Variants in STXBP4 observed in about 807,000 individuals in gnomAD.
STXBP4 encodes syntaxin binding protein 4, also known as syntaxin-binding protein 4.
A neutral mutation model predicts 76.1 loss-of-function variants in STXBP4; 55 were observed. The ratio of observed to expected loss-of-function variants is 0.72; its 90% CI spans 0.58 to 0.91. The LOEUF (loss-of-function observed/expected upper bound fraction) is 0.91, where lower values mean the gene tolerates loss of function less well. Ranked by LOEUF, STXBP4 falls within the 40% of genes least tolerant of loss-of-function variation. The pLI, the probability that STXBP4 is intolerant of heterozygous loss-of-function variation, is 0.00. For missense variants in STXBP4, 618 were observed against 636.9 expected (o/e 0.97, Z 0.32); for synonymous variants, 201 against 220.2 (o/e 0.91, Z 0.77).
intron 8 of STXBP4, among the ~76,000 whole-genome samples, chr17:55,016,363 G>A (rs569112088): frequency 1.3e-5 from 2 of 152,124 alleles, no homozygotes; most frequent in Non-Finnish European, 2.9e-5. Context: ...GTGAGTCCTA[G>A]AGCTGGGCTG....
chr17:55,065,176 T>C (rs1161574519), intron 12 of STXBP4, among the ~76,000 whole-genome samples: 3 of 152,194 alleles, frequency 2.0e-5, no homozygotes, highest in African/African-American at 4.8e-5. Context: ...GTACCAACTA[T>C]TGCTGCTTTA....
At chr17:55,145,573 A>T (rs2080143146) in intron 17 of STXBP4, among the ~76,000 whole-genome samples, 1 of 152,238 alleles carries the variant, frequency 6.6e-6, no homozygotes, top group Admixed American at 6.5e-5. Flanking sequence ...GCCCATCCAC[A>T]TGTCCATCAC....
chr17:55,009,145 CAATT>C (rs2078059213), intron 8 of STXBP4, among the ~76,000 whole-genome samples: 1 of 152,086 alleles, frequency 6.6e-6, no homozygotes, highest in Non-Finnish European at 1.5e-5. Context: ...TAAAATTTTC[CAATT>C]AATTAGATAC....
intron 10 of STXBP4, among the ~76,000 whole-genome samples, chr17:55,041,402 G>A (rs748589069): frequency 1.3e-5 from 2 of 151,862 alleles, no homozygotes; most frequent in Non-Finnish European, 2.9e-5. Flanking sequence ...ATTTTTTGTA[G>A]AGACATGGTC....
At position 55,072,925 on chromosome 17, in the gene STXBP4, CAA is replaced by C. The variant is rs1369355162; in HGVS notation, c.1038_1039del (p.Arg347SerfsTer4). 4 of 1,609,726 alleles carry C rather than the reference CAA, an allele frequency of 2.5e-6. No homozygotes were observed. Among genetic ancestry groups the C allele is most frequent in the African/African-American group, 2.7e-5 (2 of 74,674 alleles). On this transcript the variant is annotated frameshift_variant, in exon 13 of 18. Coordinates refer to ENST00000376352, the MANE Select transcript of STXBP4 (RefSeq NM_178509.6). LOFTEE classifies it high-confidence loss of function. ...GAAGCCAAAGCTGTAGTTGAAGAAA[CAA>C]GAGCCCTGCGTAGTCGGATTCATCT...
In STXBP4 at chr17:55,079,920, G is replaced by C. The variant is rs996414403; in HGVS notation, c.1356-1130G>C. ...ACTCAAGTAATGTTTTACTTCTTAT[G>C]ATGAAGGAACCTGACATAACTTCTT... On this transcript the variant is annotated intron_variant, in intron 15 of 17. Coordinates refer to ENST00000376352, the MANE Select transcript of STXBP4 (RefSeq NM_178509.6). Among the ~76,000 whole-genome samples the C allele has an allele frequency of 2.0e-5, 3 of 152,044 alleles. No individual in the cohort carries two copies. In the South Asian group the frequency reaches 6.2e-4, roughly 32 times the overall value.
intron 16 of STXBP4, among the ~76,000 whole-genome samples, chr17:55,123,737 A>G (rs1211909519): frequency 6.6e-6 from 1 of 151,998 alleles, no homozygotes; most frequent in Non-Finnish European, 1.5e-5. Context: ...CGTCTCTACT[A>G]AAAATACAAA....
intron 12 of STXBP4, among the ~76,000 whole-genome samples, chr17:55,056,823 A>G (rs1361447558): frequency 6.6e-6 from 1 of 151,902 alleles, no homozygotes; most frequent in African/African-American, 2.4e-5. Flanking sequence ...CCTGGGCAGC[A>G]TGGAGAACCC....
At chr17:55,153,822 G>A (rs904686673) in intron 17 of STXBP4, among the ~76,000 whole-genome samples, 13 of 152,102 alleles carry the variant, frequency 8.5e-5, no homozygotes, top group South Asian at 2.1e-4. Context: ...TTTAGTATTC[G>A]TTAATCTGTA....
the STXBP4 span, among the ~76,000 whole-genome samples, chr17:55,212,240 C>CTTCA: frequency 5.3e-5 from 8 of 152,178 alleles, no homozygotes; most frequent in Non-Finnish European, 1.0e-4. Context: ...TCCTCCCTAG[C>CTTCA]TTCAGTTTTC....
At chr17:55,186,989 T>C in the STXBP4 span, among the ~76,000 whole-genome samples, 284 of 152,244 alleles carry the variant, frequency 1.9e-3, no homozygotes, top group Non-Finnish European at 3.2e-3. Flanking sequence ...AAAGAAACCA[T>C]GAAAGGTATT....
At chr17:55,129,564 AAAAG>A (rs200337304) in intron 16 of STXBP4, among the ~76,000 whole-genome samples, 56 of 152,080 alleles carry the variant, frequency 3.7e-4, no homozygotes, top group Admixed American at 9.8e-4. Context: ...TTTATTTCTC[AAAAG>A]AAAGAAAGAA....
At chr17:55,121,530 G>A (rs115982827) in intron 16 of STXBP4, among the ~76,000 whole-genome samples, 106 of 152,190 alleles carry the variant, frequency 7.0e-4, no homozygotes, top group African/African-American at 2.5e-3. Context: ...GAATCCCCAG[G>A]GTCTCTGACA....
Position 55,043,313 on chromosome 17 carries a change from A to G in STXBP4, c.933A>G (p.Val311=), listed in dbSNP as rs749797678. The G allele has an allele frequency of 6.6e-7, 1 of 1,512,270 alleles. No homozygotes were observed. Among genetic ancestry groups the G allele is most frequent in the South Asian group, 1.4e-5 (1 of 73,152 alleles). The allele number at this position is 1,512,270 out of a possible 1,614,324, so 93.7% of individuals were successfully genotyped here. ...AAAGAGATGATGCCTTGAAAGAAGT[A>G]AATACACTTAAGGTAACCTCTAATT... ...KCERDDALKE[V]NTLKEKLLES... is the part of the protein sequence containing the mutation. Residue 311 remains valine (V), a synonymous_variant, in exon 11 of 18, where the codon GTA becomes GTG. Transcript: ENST00000376352.
chr17:55,058,778 C>A (rs2078963137), intron 12 of STXBP4, among the ~76,000 whole-genome samples: 1 of 152,054 alleles, frequency 6.6e-6, no homozygotes, highest in Non-Finnish European at 1.5e-5. Context: ...ACTGAAATTA[C>A]TATCTCAATC....
chr17:55,002,546 G>A (rs1176741215), intron 7 of STXBP4, among the ~76,000 whole-genome samples: 3 of 152,098 alleles, frequency 2.0e-5, no homozygotes, highest in Non-Finnish European at 2.9e-5. Flanking sequence ...GCAGTTTTTT[G>A]TGTTAATCAG....
chr17:55,070,665 C>T (rs1386674563), intron 12 of STXBP4, among the ~76,000 whole-genome samples: 3 of 152,052 alleles, frequency 2.0e-5, no homozygotes, highest in Non-Finnish European at 2.9e-5. Flanking sequence ...CAAGCTCCTT[C>T]CCCTTCATGC....
chr17:55,137,823 T>A (rs1248327051), intron 16 of STXBP4, among the ~76,000 whole-genome samples: 1 of 152,146 alleles, frequency 6.6e-6, no homozygotes, highest in African/African-American at 2.4e-5. Flanking sequence ...TCCTCATAAG[T>A]GTGTTATACT....
At chr17:55,130,438 G>A (rs1407839320) in intron 16 of STXBP4, among the ~76,000 whole-genome samples, 1 of 152,146 alleles carries the variant, frequency 6.6e-6, no homozygotes, top group African/African-American at 2.4e-5. Flanking sequence ...AGAGTACAAT[G>A]TGATGTTTCA....
Sources: gnomAD v4.1 joint callset for allele counts (sites outside exome capture counted in the v4.1 genomes callset) on GRCh38, gnomAD v4.1.1 for gene constraint, MANE v1.5 for transcripts, NCBI Gene and HGNC (gene_info 2026-07-23, HGNC 2026-07-21) for gene names.